Variants in PLPP4 observed in about 807,000 individuals in gnomAD.
PLPP4 encodes diacylglycerol pyrophosphate like 2.
Under a neutral mutation model 32.2 loss-of-function variants are expected in PLPP4, and 20 were observed. The ratio of observed to expected loss-of-function variants is 0.62; its 90% confidence interval spans 0.44 to 0.90. PLPP4 has a LOEUF of 0.90. Among genes scored for constraint, PLPP4 ranks in the 40% least tolerant of loss-of-function variants. The pLI, the probability that PLPP4 is intolerant of heterozygous loss-of-function variation, is 0.00. For synonymous variants in PLPP4, 127 were observed against 133.0 expected, an observed-to-expected ratio of 0.95 and a Z score of 0.31; for missense variants, 257 against 353.1, an observed-to-expected ratio of 0.73 and a Z score of 2.18.
intron 1 of PLPP4, among the ~76,000 whole-genome samples, chr10:120,463,856 C>T (rs1848190294): frequency 6.6e-6 from 1 of 152,116 alleles, no homozygotes; most frequent in Non-Finnish European, 1.5e-5. Flanking sequence ...GCTCTGTCGC[C>T]CAGGCTGGAG....
chr10:120,538,417 C>T (rs1384109640), intron 5 of PLPP4, among the ~76,000 whole-genome samples: 4 of 152,180 alleles, frequency 2.6e-5, no homozygotes, highest in East Asian at 3.9e-4. Flanking sequence ...CATCAGCCTT[C>T]GGAGTCTGCT....
At chr10:120,501,260 A>G (rs1317836519) in intron 1 of PLPP4, among the ~76,000 whole-genome samples, 1 of 152,122 alleles carries the variant, frequency 6.6e-6, no homozygotes, top group Non-Finnish European at 1.5e-5. Flanking sequence ...TCAGAGATAC[A>G]CTACATATTC....
chr10:120,559,404 AT>A (rs1848316570), intron 5 of PLPP4, among the ~76,000 whole-genome samples: 1 of 151,500 alleles, frequency 6.6e-6, no homozygotes, highest in South Asian at 2.1e-4. Flanking sequence ...TATAATCCTT[AT>A]TAAAGAAAGA....
At chr10:120,564,445 G>T (rs1848593310) in intron 5 of PLPP4, among the ~76,000 whole-genome samples, 1 of 151,754 alleles carries the variant, frequency 6.6e-6, no homozygotes, top group Admixed American at 6.6e-5. Context: ...AAAATTGTTG[G>T]ACACAAAGTT....
intron 1 of PLPP4, among the ~76,000 whole-genome samples, chr10:120,492,336 G>A (rs1844760161): frequency 6.6e-6 from 1 of 152,224 alleles, no homozygotes; most frequent in Non-Finnish European, 1.5e-5. Flanking sequence ...TTGGACTTCT[G>A]GGGTGATGCA....
chr10:120,518,833 C>T lies in PLPP4; in HGVS notation c.257C>T (p.Ala86Val), dbSNP rs752013243. The change falls in exon 4 of 7, where the codon GCG becomes GTG. Residue 86 changes from alanine (A) to valine (V), a missense_variant and splice_region_variant. Ala to Val is a moderately conservative substitution (Grantham distance 64). Transcript: ENST00000398250. ...DKTEIKEAFL[A>V]VSLALALNGV... is the part of the protein sequence containing the mutation. ...TCTGTCTGTTGGTTTTGTTTTGTAG[C>T]GGTGTCCTTGGCTCTTGCTTTGAAT... 21 of 1,610,982 alleles carry T rather than the reference C, an allele frequency of 1.3e-5. No individual in the cohort carries two copies. The highest frequency in any genetic ancestry group is 1.2e-4 in the Admixed American group (7 of 59,736).
intron 5 of PLPP4, among the ~76,000 whole-genome samples, chr10:120,548,085 T>G (rs1373606671): frequency 2.0e-5 from 3 of 152,136 alleles, no homozygotes; most frequent in Non-Finnish European, 4.4e-5. Flanking sequence ...AACTTTTTTT[T>G]TAACTTTTAG....
chr10:120,525,774 C>A (rs1846360963), intron 5 of PLPP4, among the ~76,000 whole-genome samples: 1 of 152,218 alleles, frequency 6.6e-6, no homozygotes, highest in Non-Finnish European at 1.5e-5. Context: ...TTCCAGTTCA[C>A]ACTGTGCTTG....
intron 5 of PLPP4, among the ~76,000 whole-genome samples, chr10:120,562,614 G>A (rs1042063935): frequency 6.6e-6 from 1 of 152,036 alleles, no homozygotes. Context: ...AATGAACTTC[G>A]AATTTTGTAC....
rs141072784 is a variant in PLPP4, at chr10:120,462,699, C to T, written c.56+5338C>T. 4.6e-3 allele frequency among the ~76,000 whole-genome samples: 706 copies of T among 152,278 alleles called. 2 individuals are homozygous for T. The highest frequency in any genetic ancestry group is 7.3e-3 in the Non-Finnish European group (496 of 68,020). ...GCTGAACACCTGCGTCAGGATTACA[C>T]GGGGCCCAGGTCAGGCTAACTGAAT... is the stretch of plus-strand genomic sequence containing the variant. On this transcript the variant is annotated intron_variant, in intron 1 of 6. Transcript: ENST00000398250.
chr10:120,520,249 G>T (rs1481202100), intron 4 of PLPP4, among the ~76,000 whole-genome samples: 1 of 152,102 alleles, frequency 6.6e-6, no homozygotes, highest in Non-Finnish European at 1.5e-5. Context: ...GGCCAACCTG[G>T]GGCACTGTGT....
chr10:120,479,241 A>G (rs1322192753), intron 1 of PLPP4, among the ~76,000 whole-genome samples: 1 of 151,016 alleles, frequency 6.6e-6, no homozygotes, highest in Non-Finnish European at 1.5e-5. Flanking sequence ...AAAACAAAAC[A>G]AAAACAAACC....
chr10:120,583,364 T>G (rs1849607433), intron 6 of PLPP4, among the ~76,000 whole-genome samples: 1 of 151,948 alleles, frequency 6.6e-6, no homozygotes, highest in African/African-American at 2.4e-5. Context: ...CCAGGCTGCC[T>G]GATTGAAAGT....
intron 1 of PLPP4, among the ~76,000 whole-genome samples, chr10:120,471,164 CT>C (rs1564778118): frequency 6.6e-6 from 1 of 152,032 alleles, no homozygotes; most frequent in African/African-American, 2.4e-5. Flanking sequence ...TTTCTGTAGT[CT>C]TATTCTTTTA....
At position 120,554,475 on chromosome 10, in the gene PLPP4, C is replaced by T. The variant is rs111983138; in HGVS notation, c.446-20656C>T. ...TGAGCCCTCCAAACTGTTCCAACCTCTGCCTGTTACCCAGTTCCAAAGACA... is the reference window on the plus strand; with the variant it reads ...TGAGCCCTCCAAACTGTTCCAACCTTTGCCTGTTACCCAGTTCCAAAGACA... On this transcript the variant is annotated intron_variant, in intron 5 of 6. Transcript: ENST00000398250. Among the ~76,000 whole-genome samples the T allele has an allele frequency of 8.4e-3, 1,277 of 152,318 alleles. 23 individuals carry two copies. Among genetic ancestry groups the T allele is most frequent in the African/African-American group, 0.029 (1,225 of 41,572 alleles).
intron 1 of PLPP4, among the ~76,000 whole-genome samples, chr10:120,499,529 ACT>A (rs780680274): frequency 2.6e-5 from 4 of 151,578 alleles, no homozygotes; most frequent in Non-Finnish European, 5.9e-5. Context: ...TTAAATGCAG[ACT>A]CTGATCCACT....
intron 2 of PLPP4, among the ~76,000 whole-genome samples, chr10:120,512,945 G>A (rs73371214): frequency 0.015 from 2,271 of 152,234 alleles, 58 homozygotes; most frequent in African/African-American, 0.052. Context: ...AACACTATTC[G>A]TCAACAGTTA....
chr10:120,582,069 G>A (rs556488315), intron 6 of PLPP4, among the ~76,000 whole-genome samples: 1 of 152,270 alleles, frequency 6.6e-6, no homozygotes, highest in Admixed American at 6.5e-5. Flanking sequence ...TAATATCCAC[G>A]TGAGCAGGGA....
At position 120,461,430 on chromosome 10, in the gene PLPP4, T is replaced by A. The variant is rs542453576; in HGVS notation, c.56+4069T>A. Among the ~76,000 whole-genome samples, 4 of 152,322 alleles carry A rather than the reference T, an allele frequency of 2.6e-5. No individual in the cohort carries two copies. The East Asian group carries it at 7.7e-4, about 29-fold the overall frequency. On this transcript the variant is annotated intron_variant, in intron 1 of 6. Coordinates refer to ENST00000398250, the MANE Select transcript of PLPP4 (RefSeq NM_001030059.3). ...GGTCTGTCTGTTTCACTTGTAGGCT[T>A]GAGTTCCTTGGCGTCTTATCTTCCT...
Sources: gnomAD v4.1 joint callset for allele counts (sites outside exome capture counted in the v4.1 genomes callset) on GRCh38, gnomAD v4.1.1 for gene constraint, MANE v1.5 for transcripts, NCBI Gene and HGNC (gene_info 2026-07-23, HGNC 2026-07-21) for gene names.